Variants in TRDN observed in about 807,000 individuals in gnomAD.
TRDN encodes triadin in skeletal muscle.
A neutral mutation model predicts 149.7 loss-of-function variants in TRDN; 161 were observed. The ratio of observed to expected loss-of-function variants is 1.08; its 90% CI spans 0.95 to 1.23. The LOEUF (loss-of-function observed/expected upper bound fraction) is 1.23, where lower values mean the gene tolerates loss of function less well. Among genes scored for constraint, TRDN ranks in the 50% most tolerant of loss-of-function variants. The pLI, the probability that TRDN is intolerant of heterozygous loss-of-function variation, is 0.00. For missense variants in TRDN, 896 were observed against 823.5 expected, an observed-to-expected ratio of 1.09 and a Z score of -1.08; for synonymous variants, 294 against 250.5, an observed-to-expected ratio of 1.17 and a Z score of -1.64.
At chr6:123,558,485 C>A (rs1259130266) in intron 2 of TRDN, among the ~76,000 whole-genome samples, 1 of 152,114 alleles carries the variant, frequency 6.6e-6, no homozygotes, top group African/African-American at 2.4e-5. Flanking sequence ...AAGGTTAATG[C>A]TCCTTTTTCT....
intron 1 of TRDN, among the ~76,000 whole-genome samples, chr6:123,586,484 G>A (rs1369391326): frequency 6.6e-6 from 1 of 152,036 alleles, no homozygotes; most frequent in Non-Finnish European, 1.5e-5. Flanking sequence ...ACTATAGAGG[G>A]ACTGATGTGT....
intron 23 of TRDN, among the ~76,000 whole-genome samples, chr6:123,330,780 C>A (rs1007757593): frequency 2.6e-5 from 4 of 151,956 alleles, no homozygotes; most frequent in African/African-American, 9.7e-5. Flanking sequence ...TTATACATTG[C>A]TACACTCACT....
chr6:123,337,680 G>T lies in TRDN; in HGVS notation c.1370-11C>A, dbSNP rs9401658. On this transcript the variant is annotated splice_polypyrimidine_tract_variant and intron_variant, in intron 21 of 40. Coordinates refer to ENST00000334268, the MANE Select transcript of TRDN (RefSeq NM_006073.4). The stretch of plus-strand genomic sequence containing the variant: ...TTTCTTTTCTAATTTCTGCAAGAGA[G>T]ATCATGGGAAGAAAAAGTTACAAGG... 250,290 of 1,409,608 alleles carry T rather than the reference G, an allele frequency of 0.18. 30,454 individuals carry two copies. The highest frequency in any genetic ancestry group is 0.65 in the East Asian group (23,822 of 36,476). 87.3% of individuals were successfully genotyped at this position (1,409,608 alleles called of 1,614,324 possible). A position where few individuals can be genotyped will look rare whatever the true frequency, so the allele number is the denominator to read the frequency against.
At chr6:123,322,883 C>A (rs977702055) in intron 23 of TRDN, among the ~76,000 whole-genome samples, 3 of 151,704 alleles carry the variant, frequency 2.0e-5, no homozygotes, top group Admixed American at 2.0e-4. Flanking sequence ...TCGTGATCCA[C>A]CTGCCTCAGC....
chr6:123,337,425 A>T (rs1354119331), intron 22 of TRDN, among the ~76,000 whole-genome samples, 194 bp downstream of exon 22: 2 of 151,900 alleles, frequency 1.3e-5, no homozygotes, highest in Non-Finnish European at 2.9e-5. Context: ...TTGTAATCAG[A>T]GCACTTTCTT....
intron 1 of TRDN, among the ~76,000 whole-genome samples, chr6:123,587,111 CAGAG>C (rs933591592): frequency 2.6e-5 from 4 of 152,018 alleles, no homozygotes; most frequent in Admixed American, 6.5e-5. Flanking sequence ...GGTAGAGACA[CAGAG>C]AGAAGGGGTT....
At chr6:123,521,828 A>G (rs891781111) in intron 5 of TRDN, among the ~76,000 whole-genome samples, 1 of 152,120 alleles carries the variant, frequency 6.6e-6, no homozygotes, top group Non-Finnish European at 1.5e-5. Context: ...GAGGTTGCCA[A>G]ACCCCAAACT....
At chr6:123,417,924 A>G (rs966051909) in intron 12 of TRDN, among the ~76,000 whole-genome samples, 1 of 152,196 alleles carries the variant, frequency 6.6e-6, no homozygotes, top group Non-Finnish European at 1.5e-5. Flanking sequence ...AAGCAAAGAC[A>G]CCAGGGATGA....
chr6:123,636,002 A>G (rs1786293318), intron 1 of TRDN, among the ~76,000 whole-genome samples: 1 of 151,988 alleles, frequency 6.6e-6, no homozygotes, highest in Non-Finnish European at 1.5e-5. Context: ...GCATTGAAAC[A>G]GAAAATATTT....
chr6:123,448,166 G>A (rs1283896315), intron 10 of TRDN, among the ~76,000 whole-genome samples: 1 of 152,180 alleles, frequency 6.6e-6, no homozygotes. Flanking sequence ...AGAGCAGGGG[G>A]TAAAACCACA....
At chr6:123,286,723 G>C (rs545903247) in intron 24 of TRDN, among the ~76,000 whole-genome samples, 6 of 152,090 alleles carry the variant, frequency 3.9e-5, no homozygotes, top group African/African-American at 1.2e-4. Flanking sequence ...ACACACATCA[G>C]GTTTCACAAA....
chr6:123,477,169 G>C (rs1179550787), intron 9 of TRDN, among the ~76,000 whole-genome samples: 1 of 137,480 alleles, frequency 7.3e-6, no homozygotes, highest in Non-Finnish European at 1.6e-5. Flanking sequence ...ATCTGACAAA[G>C]GGCTAATATC....
chr6:123,470,480 T>C (rs757679180), intron 9 of TRDN: 3 of 152,038 alleles, frequency 2.0e-5, no homozygotes, highest in East Asian at 1.9e-4. Context: ...TGGAAGGAGA[T>C]GGGAGATACA....
intron 21 of TRDN, chr6:123,350,528 A>G (rs984858291): frequency 2.9e-4 from 195 of 670,978 alleles, no homozygotes; most frequent in Non-Finnish European, 3.3e-4. Flanking sequence ...GTAAGAAAGC[A>G]AAGTATACAA....
intron 24 of TRDN, among the ~76,000 whole-genome samples, chr6:123,312,433 T>C (rs1488017986): frequency 6.6e-6 from 1 of 151,968 alleles, no homozygotes. Context: ...ATATATTTTA[T>C]CTTATGATAT....
chr6:123,260,942 G>C (rs1358131706), intron 33 of TRDN, among the ~76,000 whole-genome samples: 10 of 151,400 alleles, frequency 6.6e-5, no homozygotes, highest in Non-Finnish European at 1.3e-4. Flanking sequence ...AGAACAACAG[G>C]CTGATTACAG....
intron 1 of TRDN, among the ~76,000 whole-genome samples, chr6:123,573,408 A>G (rs936026890): frequency 6.6e-6 from 1 of 152,074 alleles, no homozygotes; most frequent in Non-Finnish European, 1.5e-5. Flanking sequence ...CATTTATTAC[A>G]TCACCTTCAT....
At chr6:123,328,204 A>G (rs938621571) in intron 23 of TRDN, among the ~76,000 whole-genome samples, 9 of 152,188 alleles carry the variant, frequency 5.9e-5, no homozygotes, top group Admixed American at 2.6e-4. Flanking sequence ...TGTATCAAGA[A>G]TCTAAATCTT....
At chr6:123,580,685 C>A (rs1171611140) in intron 1 of TRDN, among the ~76,000 whole-genome samples, 1 of 152,096 alleles carries the variant, frequency 6.6e-6, no homozygotes, top group Non-Finnish European at 1.5e-5. Context: ...GAGACCCTGC[C>A]TATCACCAAT....
Sources: allele counts gnomAD v4.1 joint callset (sites outside exome capture counted in the v4.1 genomes callset), GRCh38; gene constraint gnomAD v4.1.1; transcripts MANE v1.5; gene names NCBI Gene and HGNC (gene_info 2026-07-23, HGNC 2026-07-21).